Variants in VSIG10L2 observed in about 807,000 individuals in gnomAD.
VSIG10L2 encodes V-set and immunoglobulin domain containing 10 like 2.
A neutral mutation model predicts 67.1 loss-of-function variants in VSIG10L2; 56 were observed. That is an observed-to-expected ratio of 0.83 (90% CI 0.67 to 1.04). The LOEUF (loss-of-function observed/expected upper bound fraction) is 1.04. VSIG10L2 is among the 50% of genes least tolerant of loss of function. The pLI is 0.00. For missense variants in VSIG10L2, 843 were observed against 932.8 expected (o/e 0.90, Z 1.25); for synonymous variants, 360 against 396.6 (o/e 0.91, Z 1.10).
At position 125,953,622 on chromosome 11, in the gene VSIG10L2, G is replaced by A. The variant is rs1945408363; in HGVS notation, c.1718G>A (p.Gly573Asp). 2 of 1,232,258 alleles carry A rather than the reference G, an allele frequency of 1.6e-6. No individual in the cohort carries two copies. Among genetic ancestry groups the A allele is most frequent in the Non-Finnish European group, 2.0e-6 (2 of 988,034 alleles). The allele number at this position is 1,232,258 out of a possible 1,614,324, so 76.3% of individuals were successfully genotyped here. Residue 573 changes from glycine (G) to aspartate (D), a missense_variant, in exon 7 of 12, where the codon GGC (glycine) becomes GAC (aspartate). By Grantham distance (94) the Gly-to-Asp change is moderately conservative. Coordinates refer to ENST00000686984, the MANE Select transcript of VSIG10L2 (RefSeq NM_001365077.2). Reference sequence around the variant, plus strand: ...GATGCTGACCCGGCACACCACAGGGGCACCTACCAATGCGTGGCCCGCAAC... The same window carrying A: ...GATGCTGACCCGGCACACCACAGGGACACCTACCAATGCGTGGCCCGCAAC... ...IYDADPAHHR[G>D]TYQCVARNAV...
chr11:125,954,902 G>C (rs1220100994), intron 8 of VSIG10L2, among the ~76,000 whole-genome samples, 155 bp from the exon 9 acceptor site: 1 of 152,174 alleles, frequency 6.6e-6, no homozygotes, highest in Non-Finnish European at 1.5e-5. Context: ...GGAGAGACCT[G>C]ATCTCCAGGA....
chr11:125,947,717 AGAG>A lies in VSIG10L2; in HGVS notation c.119_121del (p.Glu40del). 4 of 1,232,008 alleles carry A rather than the reference AGAG, an allele frequency of 3.2e-6. No homozygotes were observed. Among genetic ancestry groups the A allele is most frequent in the Non-Finnish European group, 4.0e-6 (4 of 988,012 alleles). The allele number at this position is 1,232,008 out of a possible 1,614,324, so 76.3% of individuals were successfully genotyped here. A position where few individuals can be genotyped will look rare whatever the true frequency, so the allele number is the denominator to read the frequency against. ...CCCACCCGACCCCCGAGGCCCCTGT[AGAG>A]GAGGTGGTGTCTGTCCAGGGAGTGC... On this transcript the variant is annotated inframe_deletion, in exon 2 of 12. Coordinates refer to ENST00000686984, the MANE Select transcript of VSIG10L2 (RefSeq NM_001365077.2).
Position 125,951,828 on chromosome 11 carries a change from G to T in VSIG10L2, c.1250G>T (p.Arg417Met), listed in dbSNP as rs1187488074. The T allele has an allele frequency of 1.3e-6, 2 of 1,511,384 alleles. No individual in the cohort carries two copies. Among genetic ancestry groups the T allele is most frequent in the East Asian group, 2.5e-5 (1 of 40,588 alleles). 93.6% of individuals were successfully genotyped at this position (1,511,384 alleles called of 1,614,324 possible). The change falls in exon 6 of 12, where the codon AGG becomes ATG. Residue 417 changes from arginine (R) to methionine (M), a missense_variant. Around this residue, in one of 2 missense-constraint regions of VSIG10L2, gnomAD observed 446 missense variants for 548.4 expected, o/e 0.81. Transcript: ENST00000686984. Reference protein sequence around the residue: ...CTVMLWEPLGRPTCWSTATMG... With the variant: ...CTVMLWEPLGMPTCWSTATMG... ...TTCCTTCCAGGGGAGCCTCTCGGGA[G>T]GCCTACCTGCTGGAGCACAGCCACA...
Position 125,951,177 on chromosome 11 carries a change from C to T in VSIG10L2, c.1234+19C>T. 1 of 1,232,764 alleles carries T rather than the reference C, an allele frequency of 8.1e-7. No individual in the cohort carries two copies. The highest frequency in any genetic ancestry group is 1.0e-6 in the Non-Finnish European group (1 of 988,440). 76.4% of individuals were successfully genotyped at this position (1,232,764 alleles called of 1,614,324 possible). ...ATGCTCTGTGAGTGGACACAGGAAA[C>T]CCCAGGGCTCTGACATTCCAGGCAG... On this transcript the variant is annotated intron_variant, in intron 5 of 11. Transcript: ENST00000686984.
intron 9 of VSIG10L2, 48 bp downstream of exon 9, chr11:125,955,227 C>T: frequency 7.9e-7 from 1 of 1,263,120 alleles, no homozygotes; most frequent in Non-Finnish European, 9.9e-7. Context: ...ACAGGGTGGC[C>T]AGGCCCTGAC....
At position 125,948,578 on chromosome 11, in the gene VSIG10L2, T is replaced by C. The variant is rs919735539; in HGVS notation, c.707T>C (p.Ile236Thr). ...LSSDGAFLDV[I>T]YGPDKPVITM... ...AGTGACGGGGCCTTCCTGGACGTCA[T>C]TTGTGAGTCAGACTGTGGTGGGGGG... is the stretch of plus-strand genomic sequence containing the variant. Residue 236 changes from isoleucine to threonine, a missense_variant and splice_region_variant, in exon 3 of 12, where the codon ATT becomes ACT. Coordinates refer to ENST00000686984, the MANE Select transcript of VSIG10L2 (RefSeq NM_001365077.2). 8.1e-7 allele frequency: 1 copy of C among 1,232,246 alleles called. No individual in the cohort carries two copies. Among genetic ancestry groups the C allele is most frequent in the Non-Finnish European group, 1.0e-6 (1 of 988,116 alleles). The allele number at this position is 1,232,246 out of a possible 1,614,324, so 76.3% of individuals were successfully genotyped here. A position where few individuals can be genotyped will look rare whatever the true frequency, so the allele number is the denominator to read the frequency against.
At chr11:125,948,815 C>T (rs539537803) in intron 3 of VSIG10L2, among the ~76,000 whole-genome samples, 1 of 152,394 alleles carries the variant, frequency 6.6e-6, no homozygotes, top group African/African-American at 2.4e-5. Context: ...GGAAAACGTG[C>T]ATACATTCAT....
chr11:125,954,404 G>C, intron 8 of VSIG10L2, 21 bp downstream of exon 8: 1 of 1,232,132 alleles, frequency 8.1e-7, no homozygotes, highest in Non-Finnish European at 1.0e-6. Context: ...ATGCCAGGGA[G>C]GGACCCACCT....
intron 5 of VSIG10L2, among the ~76,000 whole-genome samples, chr11:125,951,436 A>G (rs932939044): frequency 1.3e-5 from 2 of 151,952 alleles, no homozygotes; most frequent in African/African-American, 2.4e-5. Context: ...CCGCCCTTAC[A>G]CTGCACTTCT....
Position 125,948,006 on chromosome 11 carries a change from G to T in VSIG10L2, c.403G>T (p.Ala135Ser). 1 of 1,232,338 alleles carries T rather than the reference G, an allele frequency of 8.1e-7. No homozygotes were observed. Among genetic ancestry groups the T allele is most frequent in the Non-Finnish European group, 1.0e-6 (1 of 988,110 alleles). 76.3% of individuals were successfully genotyped at this position (1,232,338 alleles called of 1,614,324 possible). A position where few individuals can be genotyped will look rare whatever the true frequency, so the allele number is the denominator to read the frequency against. ...CGTGGCTGGCGGCCAGCTCCACGCT[G>T]CCTACTCCCACCTCACGCTGGCTGT... is the stretch of plus-strand genomic sequence containing the variant. ...LHVAGGQLHA[A>S]YSHLTLAVLV... The change falls in exon 2 of 12, where the codon GCC becomes TCC. Residue 135 changes from alanine (A) to serine (S), a missense_variant. By Grantham distance (99) the Ala-to-Ser change is moderately conservative. Coordinates refer to ENST00000686984, the MANE Select transcript of VSIG10L2 (RefSeq NM_001365077.2).
intron 8 of VSIG10L2, 75 bp downstream of exon 8, chr11:125,954,458 G>A (rs1264246265): frequency 2.6e-6 from 3 of 1,169,944 alleles, no homozygotes; most frequent in Non-Finnish European, 3.2e-6. Context: ...CTCTTCACAG[G>A]GCATCCCCTC....
At chr11:125,952,429 A>G (rs1462708014) in intron 6 of VSIG10L2, among the ~76,000 whole-genome samples, 1 of 152,264 alleles carries the variant, frequency 6.6e-6, no homozygotes, top group Non-Finnish European at 1.5e-5. Flanking sequence ...AAAAATTATT[A>G]ATGAGATATT....
At chr11:125,950,709 C>T (rs762349436) in intron 4 of VSIG10L2, among the ~76,000 whole-genome samples, 3 of 152,082 alleles carry the variant, frequency 2.0e-5, no homozygotes, top group African/African-American at 7.2e-5. Context: ...CCTGTACACT[C>T]GGTAACCTCC....
Position 125,954,344 on chromosome 11 carries a change from C to T in VSIG10L2, c.2044C>T (p.His682Tyr). ...TGCCTTCCGCATCCTGGCTCTGAAT[C>T]ACCACACTGCAGGACATCCCTCTGA... is the stretch of plus-strand genomic sequence containing the variant. ...LYAFRILALN[H>Y]HTAGHPSEVK... is the part of the protein sequence containing the mutation. Residue 682 changes from histidine to tyrosine, a missense_variant, in exon 8 of 12, where the codon CAC (histidine) becomes TAC (tyrosine). Coordinates refer to ENST00000686984, the MANE Select transcript of VSIG10L2 (RefSeq NM_001365077.2). The T allele has an allele frequency of 1.6e-6, 2 of 1,232,162 alleles. No individual in the cohort carries two copies. Among genetic ancestry groups the T allele is most frequent in the South Asian group, 8.2e-5 (2 of 24,306 alleles). The allele number at this position is 1,232,162 out of a possible 1,614,324, so 76.3% of individuals were successfully genotyped here. A position where few individuals can be genotyped will look rare whatever the true frequency, so the allele number is the denominator to read the frequency against.
At chr11:125,954,515 C>T (rs563326093) in intron 8 of VSIG10L2, 132 bp downstream of exon 8, 15 of 726,228 alleles carry the variant, frequency 2.1e-5, no homozygotes, top group East Asian at 1.0e-4. Context: ...ATCCCCAGCC[C>T]GTCCTCCTCT....
At position 125,954,398 on chromosome 11, in the gene VSIG10L2, C is replaced by T. The variant is rs980989746; in HGVS notation, c.2083+15C>T. On this transcript the variant is annotated intron_variant, in intron 8 of 11. Transcript: ENST00000686984. ...GAAGATACCAGGTGCCAGCTAATGC[C>T]AGGGAGGGACCCACCTTTTCTCCAA... 5.7e-6 allele frequency: 7 copies of T among 1,232,038 alleles called. No individual in the cohort carries two copies. The highest frequency in any genetic ancestry group is 7.1e-6 in the Non-Finnish European group (7 of 988,036). 76.3% of individuals were successfully genotyped at this position (1,232,038 alleles called of 1,614,324 possible).
intron 4 of VSIG10L2, 35 bp downstream of exon 4, chr11:125,950,324 C>G: frequency 8.1e-7 from 1 of 1,232,244 alleles, no homozygotes. Flanking sequence ...CCAGACCTGT[C>G]CTGGGGACAA....
At chr11:125,951,181 A>G (rs1412974479) in intron 5 of VSIG10L2, 23 bp downstream of exon 5, 11 of 1,232,596 alleles carry the variant, frequency 8.9e-6, no homozygotes, top group Non-Finnish European at 1.1e-5. Context: ...AGGAAACCCC[A>G]GGGCTCTGAC....
At position 125,956,317 on chromosome 11, in the gene VSIG10L2, C is replaced by A; in HGVS notation, c.*403C>A. 1 of 796,104 alleles carries A rather than the reference C, an allele frequency of 1.3e-6. No individual in the cohort carries two copies. The highest frequency in any genetic ancestry group is 1.9e-6 in the Non-Finnish European group (1 of 537,118). The allele number at this position is 796,104 out of a possible 1,614,324, so 49.3% of individuals were successfully genotyped here. On this transcript the variant is annotated 3_prime_UTR_variant, in exon 12 of 12. Coordinates refer to ENST00000686984, the MANE Select transcript of VSIG10L2 (RefSeq NM_001365077.2). The stretch of plus-strand genomic sequence containing the variant: ...AATAAATCAGAGCTGATGTTCACGC[C>A]AATAGAGGGCTACTTCCATTGCGAC...
Sources: gnomAD v4.1 joint callset for allele counts (sites outside exome capture counted in the v4.1 genomes callset) on GRCh38, gnomAD v4.1.1 for gene constraint, gnomAD v4.1.1 regional missense constraint, MANE v1.5 for transcripts, NCBI Gene and HGNC (gene_info 2026-07-23, HGNC 2026-07-21) for gene names.